Variants in TLCD4 observed in about 807,000 individuals in gnomAD.
The protein encoded by TLCD4 is TLC domain containing 4.
In TLCD4, 7 loss-of-function variants were observed where a neutral mutation model predicts 24.2. The observed-to-expected ratio is 0.29, with a 90% confidence interval of 0.16 to 0.54. The LOEUF (loss-of-function observed/expected upper bound fraction) is 0.54, where lower values mean the gene tolerates loss of function less well. Ranked by LOEUF, TLCD4 falls within the 20% of genes least tolerant of loss-of-function variation. The pLI is 0.95. For synonymous variants in TLCD4, 103 were observed against 106.4 expected (o/e 0.97, Z 0.20); for missense variants, 259 against 313.9 (o/e 0.82, Z 1.32).
intron 2 of TLCD4, among the ~76,000 whole-genome samples, chr1:95,144,730 G>A (rs766580574): frequency 6.6e-5 from 10 of 151,460 alleles, no homozygotes; most frequent in African/African-American, 1.9e-4. Context: ...CCGTTCTGTC[G>A]CCCAGGCTGG....
chr1:95,106,857 G>A, the TLCD4 span, among the ~76,000 whole-genome samples: 1 of 152,206 alleles, frequency 6.6e-6, no homozygotes, highest in Non-Finnish European at 1.5e-5. Flanking sequence ...TGCACAGCAT[G>A]CAGGTCAAGA....
chr1:95,146,222 T>G (rs1286084021), intron 2 of TLCD4, among the ~76,000 whole-genome samples: 1 of 152,106 alleles, frequency 6.6e-6, no homozygotes, highest in Non-Finnish European at 1.5e-5. Flanking sequence ...AACAGTTTAG[T>G]TAAAAGTGAG....
intron 5 of TLCD4, chr1:95,163,450 C>T (rs1281888858): frequency 1.3e-5 from 2 of 152,140 alleles, no homozygotes; most frequent in Non-Finnish European, 2.9e-5. Context: ...CGAACATCCT[C>T]CTTTAGCTCG....
At chr1:95,164,135 G>C (rs1677929592) in intron 5 of TLCD4, 1 of 152,438 alleles carries the variant, frequency 6.6e-6, no homozygotes, top group African/African-American at 2.4e-5. Context: ...TCCTTGAGCT[G>C]TGGTGGGCTC....
At position 95,132,329 on chromosome 1, in the gene TLCD4, C is replaced by T. The variant is rs1388909554; in HGVS notation, c.-11-11562C>T. Among the ~76,000 whole-genome samples the T allele has an allele frequency of 2.6e-5, 4 of 151,866 alleles. No homozygotes were observed. In the South Asian group the frequency reaches 6.2e-4, roughly 24 times the overall value. ...AAAATTAGCCAGGCGTGGTGGCACA[C>T]GTCTGTAATCCCAGCTATGCTGGAG... is the stretch of plus-strand genomic sequence containing the variant. On this transcript the variant is annotated intron_variant, in intron 1 of 6. Coordinates refer to ENST00000370203, the MANE Select transcript of TLCD4 (RefSeq NM_152487.3).
At chr1:95,134,879 A>G (rs980835295) in intron 1 of TLCD4, among the ~76,000 whole-genome samples, 12 of 152,214 alleles carry the variant, frequency 7.9e-5, no homozygotes, top group Admixed American at 3.3e-4. Context: ...CTAAGTGCCC[A>G]AGAAACATTA....
At chr1:95,157,616 G>A (rs1213809860) in intron 5 of TLCD4, among the ~76,000 whole-genome samples, 3 of 152,252 alleles carry the variant, frequency 2.0e-5, no homozygotes, top group Non-Finnish European at 4.4e-5. Context: ...GACGTCTCAT[G>A]TGGGTGCTGT....
intron 1 of TLCD4, among the ~76,000 whole-genome samples, chr1:95,137,122 G>T (rs1041098025): frequency 6.6e-6 from 1 of 152,124 alleles, no homozygotes; most frequent in South Asian, 2.1e-4. Context: ...GTTGGGGGGA[G>T]GTAGTAAACA....
At chr1:95,142,203 A>G (rs1319808881) in intron 1 of TLCD4, among the ~76,000 whole-genome samples, 1 of 146,774 alleles carries the variant, frequency 6.8e-6, no homozygotes, top group Non-Finnish European at 1.5e-5. Flanking sequence ...TCAATGAAAT[A>G]GAAAACACAC....
At chr1:95,167,863 A>G (rs1231002269) in intron 5 of TLCD4, among the ~76,000 whole-genome samples, 1 of 152,126 alleles carries the variant, frequency 6.6e-6, no homozygotes, top group Non-Finnish European at 1.5e-5. Flanking sequence ...TTGATCACCA[A>G]TAAATAGTCT....
intron 6 of TLCD4, 117 bp from the exon 7 acceptor site, chr1:95,191,433 C>T: frequency 7.8e-7 from 1 of 1,281,234 alleles, no homozygotes; most frequent in Non-Finnish European, 1.0e-6. Flanking sequence ...ATTGCGTATG[C>T]TATTCTAGGC....
rs562494114 is a variant in TLCD4, at chr1:95,150,395, A to G, written c.304+129A>G. ...TAGGAAGCATACAGAGGAAAAAAAT[A>G]CCTCCCATGATGGTAGAACATGAAA... is the stretch of plus-strand genomic sequence containing the variant. On this transcript the variant is annotated intron_variant, in intron 4 of 6. Coordinates refer to ENST00000370203, the MANE Select transcript of TLCD4 (RefSeq NM_152487.3). 82 of 1,126,042 alleles carry G rather than the reference A, an allele frequency of 7.3e-5. 1 individual carries two copies. In the African/African-American group the frequency reaches 1.2e-3, roughly 17 times the overall value. 69.8% of individuals were successfully genotyped at this position (1,126,042 alleles called of 1,614,324 possible). A position where few individuals can be genotyped will look rare whatever the true frequency, so the allele number is the denominator to read the frequency against.
chr1:95,181,199 A>G (rs1678628384), intron 6 of TLCD4, among the ~76,000 whole-genome samples: 1 of 123,530 alleles, frequency 8.1e-6, no homozygotes, highest in African/African-American at 3.8e-5. Context: ...TGCCAAAACA[A>G]ACCAAAAAAA....
At chr1:95,110,613 G>A in the TLCD4 span, among the ~76,000 whole-genome samples, 1 of 152,140 alleles carries the variant, frequency 6.6e-6, no homozygotes, top group South Asian at 2.1e-4. Flanking sequence ...TCTAGGCCAG[G>A]TGCGGTGGCT....
the TLCD4 span, among the ~76,000 whole-genome samples, chr1:95,103,201 G>A: frequency 6.6e-6 from 1 of 152,032 alleles, no homozygotes; most frequent in Non-Finnish European, 1.5e-5. Context: ...CTGGTCTTGA[G>A]CTGCTGACCT....
the TLCD4 span, among the ~76,000 whole-genome samples, chr1:95,105,908 A>AAAAAG: frequency 1.3e-5 from 2 of 150,400 alleles, no homozygotes; most frequent in African/African-American, 2.4e-5. Flanking sequence ...AAAAAAAAAA[A>AAAAAG]AAAAGAAAAG....
upstream of TLCD4, among the ~76,000 whole-genome samples, chr1:95,112,457 C>T (rs1353113902): frequency 6.6e-6 from 1 of 152,076 alleles, no homozygotes; most frequent in Non-Finnish European, 1.5e-5. Context: ...AGCACAACCA[C>T]TGAAAAAAGA....
Position 95,178,011 on chromosome 1 carries a change from C to T in TLCD4, c.473+4122C>T, listed in dbSNP as rs1482374374. ...CATCGTCCAGGCTAGAGTGCAGTGG[C>T]GTGATCTTGGCTCACTGCAACCTAC... On this transcript the variant is annotated intron_variant, in intron 6 of 6. Transcript: ENST00000370203. Among the ~76,000 whole-genome samples the T allele has an allele frequency of 3.4e-5, 5 of 146,434 alleles. No homozygotes were observed. The Admixed American group carries it at 3.5e-4, about 10-fold the overall frequency.
intron 3 of TLCD4, among the ~76,000 whole-genome samples, chr1:95,149,785 C>T (rs1407465421): frequency 6.6e-6 from 1 of 152,054 alleles, no homozygotes; most frequent in Non-Finnish European, 1.5e-5. Context: ...TTTGCCTTAT[C>T]GAACTTTAAC....
Sources: gnomAD v4.1 joint callset for allele counts (sites outside exome capture counted in the v4.1 genomes callset) on GRCh38, gnomAD v4.1.1 for gene constraint, MANE v1.5 for transcripts, NCBI Gene and HGNC (gene_info 2026-07-23, HGNC 2026-07-21) for gene names.